The following PPHLN1 variants were observed in gnomAD, a reference collection of about 807,000 sequenced individuals.
The protein encoded by PPHLN1 is periphilin 1.
In PPHLN1, 29 loss-of-function variants were observed where a neutral mutation model predicts 51.3. That is an observed-to-expected ratio of 0.57 (90% CI 0.42 to 0.77). The LOEUF (loss-of-function observed/expected upper bound fraction) is 0.77. Among genes scored for constraint, PPHLN1 ranks in the 30% least tolerant of loss-of-function variants. The probability of loss-of-function intolerance (pLI) is 0.00; values close to 1 mark genes in which losing one functional copy is unlikely to be tolerated. For synonymous variants in PPHLN1, 147 were observed against 147.8 expected (o/e 0.99, Z 0.04); for missense variants, 436 against 438.4 (o/e 0.99, Z 0.05).
chr12:42,365,876 GC>G (rs1334332082), intron 4 of PPHLN1, among the ~76,000 whole-genome samples: 1 of 152,092 alleles, frequency 6.6e-6, no homozygotes, highest in African/African-American at 2.4e-5. Flanking sequence ...TTCTTCAAAG[GC>G]CCTTTTTGAT....
intron 2 of PPHLN1, among the ~76,000 whole-genome samples, chr12:42,340,052 A>T (rs1264665796): frequency 6.6e-6 from 1 of 152,238 alleles, no homozygotes; most frequent in Admixed American, 6.5e-5. Flanking sequence ...CTTGCCTATA[A>T]TCTGAGCACT....
intron 7 of PPHLN1, among the ~76,000 whole-genome samples, chr12:42,389,624 T>C (rs1241003346): frequency 6.6e-6 from 1 of 152,116 alleles, no homozygotes; most frequent in African/African-American, 2.4e-5. Context: ...GCAACCCGAG[T>C]TTCTATGAGG....
At chr12:42,333,608 G>A (rs2070125388) in intron 1 of PPHLN1, among the ~76,000 whole-genome samples, 1 of 151,766 alleles carries the variant, frequency 6.6e-6, no homozygotes, top group African/African-American at 2.4e-5. Context: ...TCAGCCTCCC[G>A]AGTAGCTGGG....
At chr12:42,444,965 C>T, downstream of PPHLN1, 1 of 679,940 alleles carries the variant, frequency 1.5e-6, no homozygotes, top group South Asian at 1.6e-5. Context: ...AGGTTGGAGC[C>T]CTAATATTGG....
chr12:42,436,712 G>A (rs2082516554), intron 9 of PPHLN1, among the ~76,000 whole-genome samples: 1 of 152,128 alleles, frequency 6.6e-6, no homozygotes, highest in Non-Finnish European at 1.5e-5. Context: ...TCCGACAACT[G>A]AGAGGGCTAC....
At chr12:42,420,380 CTT>C (rs1475256669) in intron 9 of PPHLN1, among the ~76,000 whole-genome samples, 8 of 150,428 alleles carry the variant, frequency 5.3e-5, no homozygotes, top group Admixed American at 4.6e-4. Context: ...AAACTTGTCT[CTT>C]TGTGTGTGTG....
chr12:42,330,818 T>G (rs2069609282), intron 1 of PPHLN1, among the ~76,000 whole-genome samples: 1 of 152,206 alleles, frequency 6.6e-6, no homozygotes, highest in Non-Finnish European at 1.5e-5. Context: ...CAAGCGATTC[T>G]CTTGCCTCAG....
At position 42,351,966 on chromosome 12, in the gene PPHLN1, T is replaced by C. The variant is rs747543923; in HGVS notation, c.154T>C (p.Tyr52His). ...ACCTGGTGAAGGAAGCTACAATAGA[T>C]ATTACAGTCATGTTGATTACCGAGA... ...DRPGEGSYNR[Y>H]YSHVDYRDYD... The change falls in exon 3 of 10, where the codon TAT becomes CAT. Residue 52 changes from tyrosine to histidine, a missense_variant. Tyr to His is a moderately conservative substitution (Grantham distance 83, BLOSUM62 2). Coordinates refer to ENST00000358314, the MANE Select transcript of PPHLN1 (RefSeq NM_201439.2). 1 of 1,583,138 alleles carries C rather than the reference T, an allele frequency of 6.3e-7. No homozygotes were observed. Among genetic ancestry groups the C allele is most frequent in the South Asian group, 1.2e-5 (1 of 84,640 alleles).
intron 4 of PPHLN1, among the ~76,000 whole-genome samples, chr12:42,373,166 G>T (rs1325070385): frequency 6.6e-6 from 1 of 152,202 alleles, no homozygotes; most frequent in Non-Finnish European, 1.5e-5. Flanking sequence ...GGCAGGGACT[G>T]TGTACATTTG....
At position 42,398,984 on chromosome 12, in the gene PPHLN1, A is replaced by C. The variant is rs769379083; in HGVS notation, c.899A>C (p.Glu300Ala). The C allele has an allele frequency of 1.2e-6, 2 of 1,613,800 alleles. No homozygotes were observed. The highest frequency in any genetic ancestry group is 1.7e-6 in the Non-Finnish European group (2 of 1,179,760). Reference protein sequence around the residue: ...RSKAIASKTKEIEQVYRQDCE... With the variant: ...RSKAIASKTKAIEQVYRQDCE... ...AAAGCAATAGCATCAAAAACCAAAG[A>C]GATTGAACAGGTGAGAGTCTAGTTG... The change falls in exon 9 of 10, where the codon GAG (glutamate) becomes GCG (alanine). Residue 300 changes from glutamate (E) to alanine (A), a missense_variant. Transcript: ENST00000358314.
chr12:42,389,983 C>T (rs908852316), intron 7 of PPHLN1, among the ~76,000 whole-genome samples: 1 of 152,312 alleles, frequency 6.6e-6, no homozygotes, highest in Admixed American at 6.5e-5. Context: ...AAATTAAAAA[C>T]TTGACAAGTT....
At chr12:42,436,508 C>T (rs934226752) in intron 9 of PPHLN1, among the ~76,000 whole-genome samples, 16 of 152,204 alleles carry the variant, frequency 1.1e-4, no homozygotes, top group African/African-American at 3.4e-4. Context: ...CAAGTGACTA[C>T]TTAGTACTGA....
intron 4 of PPHLN1, among the ~76,000 whole-genome samples, chr12:42,360,062 C>T (rs1365576797): frequency 6.8e-6 from 1 of 146,026 alleles, no homozygotes; most frequent in Non-Finnish European, 1.5e-5. Flanking sequence ...GAGCTGAGTT[C>T]ACCCATTGCA....
intron 2 of PPHLN1, among the ~76,000 whole-genome samples, chr12:42,339,042 C>T (rs1245117838): frequency 6.6e-6 from 1 of 152,144 alleles, no homozygotes; most frequent in East Asian, 1.9e-4. Context: ...GGCTTCTTAT[C>T]CCTCATAAAA....
chr12:42,367,997 G>A (rs536259385), intron 4 of PPHLN1, among the ~76,000 whole-genome samples: 2 of 152,140 alleles, frequency 1.3e-5, no homozygotes, highest in Non-Finnish European at 2.9e-5. Context: ...TCGGCCTCCC[G>A]AAGTGGTAGG....
chr12:42,431,815 G>C (rs1279773088), intron 9 of PPHLN1: 1 of 1,279,358 alleles, frequency 7.8e-7, no homozygotes, highest in East Asian at 2.3e-5. Flanking sequence ...GAAGGACCAT[G>C]CTCTTCAATC....
chr12:42,328,746 G>C (rs2069187311), intron 1 of PPHLN1, among the ~76,000 whole-genome samples: 1 of 152,200 alleles, frequency 6.6e-6, no homozygotes, highest in African/African-American at 2.4e-5. Context: ...GTCTTGCTCT[G>C]TTGCCCAGGC....
intron 9 of PPHLN1, among the ~76,000 whole-genome samples, chr12:42,438,981 G>A (rs373663902): frequency 6.6e-6 from 1 of 152,146 alleles, no homozygotes; most frequent in Non-Finnish European, 1.5e-5. Context: ...GATTTTCTCC[G>A]AGTCTGTAGC....
At chr12:42,388,763 G>A (rs7970109) in intron 7 of PPHLN1, among the ~76,000 whole-genome samples, 4,365 of 152,230 alleles carry the variant, frequency 0.029, 226 homozygotes, top group African/African-American at 0.1. Flanking sequence ...CCTTGGTAAC[G>A]TAGCAAGACT....
Sources: allele counts gnomAD v4.1 joint callset (sites outside exome capture counted in the v4.1 genomes callset), GRCh38; gene constraint gnomAD v4.1.1; transcripts MANE v1.5; gene names NCBI Gene and HGNC (gene_info 2026-07-23, HGNC 2026-07-21).